Variants in ZNF845 observed in about 807,000 individuals in gnomAD.
The protein encoded by ZNF845 is zinc finger protein 845.
In ZNF845, 59 loss-of-function variants were observed where a neutral mutation model predicts 76.1. That is an observed-to-expected ratio of 0.78 (90% CI 0.63 to 0.96). The LOEUF (loss-of-function observed/expected upper bound fraction) is 0.96. Ranked by LOEUF, ZNF845 falls within the 40% of genes least tolerant of loss-of-function variation. The pLI, the probability that ZNF845 is intolerant of heterozygous loss-of-function variation, is 0.00. For synonymous variants in ZNF845, 361 were observed against 386.9 expected (o/e 0.93, Z 0.78); for missense variants, 1,045 against 1,172.8 (o/e 0.89, Z 1.59).
At chr19:53,342,205 C>T (rs972692012) in intron 2 of ZNF845, among the ~76,000 whole-genome samples, 1 of 151,866 alleles carries the variant, frequency 6.6e-6, no homozygotes, top group Non-Finnish European at 1.5e-5. Context: ...ACCTCCACCT[C>T]CCGGGTTCAA....
At chr19:53,337,229 G>T (rs1314828522) in intron 1 of ZNF845, 2 of 453,526 alleles carry the variant, frequency 4.4e-6, no homozygotes, top group African/African-American at 4.0e-5. Flanking sequence ...AATGATCACG[G>T]CCCTGTGCCT....
intron 2 of ZNF845, 141 bp from the exon 3 acceptor site, chr19:53,345,365 A>G: frequency 6.5e-7 from 1 of 1,528,544 alleles, no homozygotes; most frequent in Admixed American, 2.0e-5. Flanking sequence ...AGAAGACAAA[A>G]TGTGGTGAAG....
intron 3 of ZNF845, among the ~76,000 whole-genome samples, chr19:53,349,773 C>T (rs1388840247): frequency 6.6e-6 from 1 of 152,168 alleles, no homozygotes; most frequent in Non-Finnish European, 1.5e-5. Flanking sequence ...CTATGGCTCA[C>T]ACTTATAATC....
intron 1 of ZNF845, among the ~76,000 whole-genome samples, chr19:53,340,559 C>T (rs1472973607): frequency 6.6e-6 from 1 of 152,138 alleles, no homozygotes; most frequent in African/African-American, 2.4e-5. Context: ...ATGAGGGTGA[C>T]CTTGTGCTTC....
chr19:53,335,243 G>A (rs1252745757), intron 1 of ZNF845, among the ~76,000 whole-genome samples: 2 of 152,008 alleles, frequency 1.3e-5, no homozygotes, highest in African/African-American at 4.8e-5. Context: ...CTGTTATTAT[G>A]TAATAATTTT....
At position 53,351,597 on chromosome 19, in the gene ZNF845, T is replaced by G; in HGVS notation, c.922T>G (p.Phe308Val). ...HYKCSECGKTFSRNSALVIHK... is the reference protein window; with the variant it reads ...HYKCSECGKTVSRNSALVIHK... ...CAAGTGCAGTGAGTGTGGCAAGACCTTCAGTCGAAATTCAGCCCTTGTAAT... is the reference window on the plus strand; with the variant it reads ...CAAGTGCAGTGAGTGTGGCAAGACCGTCAGTCGAAATTCAGCCCTTGTAAT... The change falls in exon 4 of 4, where the codon TTC becomes GTC. Residue 308 changes from phenylalanine to valine, a missense_variant. Coordinates refer to ENST00000458035, the MANE Select transcript of ZNF845 (RefSeq NM_138374.3). 6.2e-7 allele frequency: 1 copy of G among 1,614,124 alleles called. No homozygotes were observed. Among genetic ancestry groups the G allele is most frequent in the Non-Finnish European group, 8.5e-7 (1 of 1,179,992 alleles).
rs1019157823 is a variant in ZNF845, at chr19:53,354,301, G to A, written c.*713G>A. The A allele has an allele frequency of 1.5e-5, 6 of 403,482 alleles. No homozygotes were observed. The highest frequency in any genetic ancestry group is 1.3e-4 in the African/African-American group (6 of 47,020). The allele number at this position is 403,482 out of a possible 1,614,324, so 25.0% of individuals were successfully genotyped here. On this transcript the variant is annotated 3_prime_UTR_variant, in exon 4 of 4. Transcript: ENST00000458035. ...CCATCAAGCATTAATTGGCATTAGA[G>A]TCAATTCAGCATTGACTTGAGTTTG...
chr19:53,344,935 G>A (rs914355859), intron 2 of ZNF845, among the ~76,000 whole-genome samples: 2 of 151,992 alleles, frequency 1.3e-5, no homozygotes, highest in Admixed American at 6.6e-5. Flanking sequence ...CACTGTGCCC[G>A]GCTCCTGCAT....
At chr19:53,334,483 G>GA (rs536341145) in intron 1 of ZNF845, among the ~76,000 whole-genome samples, 3 of 151,434 alleles carry the variant, frequency 2.0e-5, no homozygotes, top group Non-Finnish European at 2.9e-5. Context: ...GAGCAAAAAT[G>GA]AAAAAAACAA....
Position 53,353,018 on chromosome 19 carries a change from CAA to C in ZNF845, c.2345_2346del (p.Lys782SerfsTer5), listed in dbSNP as rs769657227. 2.7e-5 allele frequency: 44 copies of C among 1,613,996 alleles called. No homozygotes were observed. In the East Asian group the frequency reaches 9.4e-4, roughly 34 times the overall value. Reference protein sequence around the residue: ...EKPYKCKVCDKAFGRDSHLAQ... With the variant: ...EKPYKCKVCDXAFGRDSHLAQ... ...AACCATACAAATGTAAGGTTTGTGA[CAA>C]AGCTTTTGGGCGTGATTCACACCTG... On this transcript the variant is annotated frameshift_variant, in exon 4 of 4. Transcript: ENST00000458035. LOFTEE classifies it high-confidence loss of function.
chr19:53,334,351 T>G (rs746898467), intron 1 of ZNF845, among the ~76,000 whole-genome samples: 1 of 152,020 alleles, frequency 6.6e-6, no homozygotes, highest in Non-Finnish European at 1.5e-5. Context: ...GTGATTGTGT[T>G]GGCCAAAGGG....
intron 3 of ZNF845, among the ~76,000 whole-genome samples, chr19:53,347,459 T>C (rs1397533399): frequency 2.1e-5 from 3 of 139,736 alleles, no homozygotes; most frequent in African/African-American, 5.3e-5. Flanking sequence ...TTTTTTTTTT[T>C]CTGTAGAGAT....
intron 1 of ZNF845, among the ~76,000 whole-genome samples, chr19:53,335,696 G>C (rs1255308751): frequency 2.6e-5 from 4 of 151,966 alleles, no homozygotes; most frequent in Non-Finnish European, 5.9e-5. Context: ...CCGCTTCCCA[G>C]GTTCAGACTG....
Position 53,351,921 on chromosome 19 carries a change from T to C in ZNF845, c.1246T>C (p.Cys416Arg), listed in dbSNP as rs1206005708. 7 of 1,613,792 alleles carry C rather than the reference T, an allele frequency of 4.3e-6. No individual in the cohort carries two copies. Among genetic ancestry groups the C allele is most frequent in the Non-Finnish European group, 5.9e-6 (7 of 1,179,958 alleles). The change falls in exon 4 of 4, where the codon TGT becomes CGT. Residue 416 changes from cysteine (C) to arginine (R), a missense_variant. By Grantham distance (180) the Cys-to-Arg change is radical. Transcript: ENST00000458035. ...AGAGAAACCTTATAAGTGTAATGAT[T>C]GTGGCAAGACCTTCAGTCAGATGTC... ...TGEKPYKCND[C>R]GKTFSQMSSL...
chr19:53,336,599 T>C (rs1263985092), intron 1 of ZNF845, among the ~76,000 whole-genome samples: 2 of 151,788 alleles, frequency 1.3e-5, no homozygotes, highest in African/African-American at 2.4e-5. Context: ...TTCTTTTTTT[T>C]CTTTCTGGTT....
rs143890862 is a variant in ZNF845 at position 53,352,576 on chromosome 19, C to T, written c.1901C>T (p.Pro634Leu). 1 of 1,611,250 alleles carries T rather than the reference C, an allele frequency of 6.2e-7. No individual in the cohort carries two copies. Among genetic ancestry groups the T allele is most frequent in the African/African-American group, 1.3e-5 (1 of 74,844 alleles). The change falls in exon 4 of 4, where the codon CCT becomes CTT. Residue 634 changes from proline to leucine, a missense_variant. Pro to Leu is a moderately conservative substitution (Grantham distance 98). Coordinates refer to ENST00000458035, the MANE Select transcript of ZNF845 (RefSeq NM_138374.3). ...TGGCGAACTCATAGTGGAGAGAAAC[C>T]TTACAAATGTGAAGAATGTGATGAA... Reference protein sequence around the residue: ...VHWRTHSGEKPYKCEECDEAF... With the variant: ...VHWRTHSGEKLYKCEECDEAF...
chr19:53,343,734 T>C (rs544469500), intron 2 of ZNF845, among the ~76,000 whole-genome samples: 2 of 152,308 alleles, frequency 1.3e-5, no homozygotes, highest in African/African-American at 4.8e-5. Context: ...AACATCTAGT[T>C]TTTTGTGAGT....
chr19:53,337,636 A>T (rs199904126), intron 1 of ZNF845, among the ~76,000 whole-genome samples: 3 of 152,000 alleles, frequency 2.0e-5, no homozygotes, highest in African/African-American at 7.3e-5. Flanking sequence ...TGGCGTAATC[A>T]TGGTTCACTG....
In ZNF845 at chr19:53,351,113, G is replaced by A. The variant is rs543460835; in HGVS notation, c.438G>A (p.Ser146=). Reference sequence around the variant, plus strand: ...ATCAGCTTGGATCAAGCTTTCATTCGCATCTGCCTGAACTCCACATGTTTC... The same window carrying A: ...ATCAGCTTGGATCAAGCTTTCATTCACATCTGCCTGAACTCCACATGTTTC... ...IKDQLGSSFH[S]HLPELHMFQT... Residue 146 remains serine, a synonymous_variant, in exon 4 of 4, where the codon TCG becomes TCA. Coordinates refer to ENST00000458035, the MANE Select transcript of ZNF845 (RefSeq NM_138374.3). 726 of 1,614,178 alleles carry A rather than the reference G, an allele frequency of 4.5e-4. 1 individual carries two copies. Among genetic ancestry groups the A allele is most frequent in the Middle Eastern group, 8.2e-4 (5 of 6,062 alleles).
Sources: gnomAD v4.1 joint callset for allele counts (sites outside exome capture counted in the v4.1 genomes callset) on GRCh38, gnomAD v4.1.1 for gene constraint, MANE v1.5 for transcripts, NCBI Gene and HGNC (gene_info 2026-07-23, HGNC 2026-07-21) for gene names.